The following NAV3 variants were observed in gnomAD, a reference collection of about 807,000 sequenced individuals.
NAV3 encodes the protein pore membrane and/or filament interacting like protein 1.
In NAV3, 87 loss-of-function variants were observed where a neutral mutation model predicts 244.7. The ratio of observed to expected loss-of-function variants is 0.36; its 90% CI spans 0.30 to 0.42. The LOEUF is 0.42. Among genes scored for constraint, NAV3 ranks in the 20% least tolerant of loss-of-function variants. The probability of loss-of-function intolerance (pLI) is 1.00; values close to 1 mark genes in which losing one functional copy is unlikely to be tolerated. For synonymous variants in NAV3, 1,126 were observed against 1,042.2 expected, an observed-to-expected ratio of 1.08 and a Z score of -1.55; for missense variants, 2,663 against 2,893.3, an observed-to-expected ratio of 0.92 and a Z score of 1.83.
At chr12:78,137,156 T>C in intron 18 of NAV3, 21 bp from the exon 19 acceptor site, 1 of 1,602,746 alleles carries the variant, frequency 6.2e-7, no homozygotes, top group Non-Finnish European at 8.5e-7. Flanking sequence ...AGTAATAGGC[T>C]CTGTGTGTTT....
intron 1 of NAV3, among the ~76,000 whole-genome samples, chr12:77,832,537 G>A (rs778187036): frequency 6.6e-6 from 1 of 152,160 alleles, no homozygotes; most frequent in African/African-American, 2.4e-5. Context: ...TGTGGTTCAT[G>A]AGAGATTCTG....
chr12:77,599,669 T>A (rs1003488100), intron 2 of NAV3, among the ~76,000 whole-genome samples: 1 of 151,860 alleles, frequency 6.6e-6, no homozygotes, highest in Non-Finnish European at 1.5e-5. Context: ...CCCTTTTTTT[T>A]ATCATCAGTT....
chr12:78,118,328 A>T (rs767070421), intron 14 of NAV3, 31 bp downstream of exon 14: 1 of 1,569,814 alleles, frequency 6.4e-7, no homozygotes, highest in South Asian at 1.1e-5. Context: ...CTGTTATGCA[A>T]AAGTGCTTTA....
At chr12:77,711,991 A>C (rs978826307) in intron 2 of NAV3, among the ~76,000 whole-genome samples, 1 of 152,180 alleles carries the variant, frequency 6.6e-6, no homozygotes. Flanking sequence ...CCACAACTTC[A>C]TAAAAAGCTT....
intron 2 of NAV3, among the ~76,000 whole-genome samples, chr12:77,740,438 G>GA (rs547388677): frequency 5.7e-4 from 84 of 146,776 alleles, no homozygotes; most frequent in Middle Eastern, 3.5e-3. Flanking sequence ...ACCTGATTTT[G>GA]AAAAAAAAAA....
chr12:77,960,148 G>T (rs991381073), intron 3 of NAV3, among the ~76,000 whole-genome samples: 5 of 151,922 alleles, frequency 3.3e-5, no homozygotes, highest in African/African-American at 1.2e-4. Context: ...ATGAGTTCAT[G>T]TATATCAGAG....
At chr12:77,623,868 A>T (rs1358259605) in intron 2 of NAV3, among the ~76,000 whole-genome samples, 1 of 152,252 alleles carries the variant, frequency 6.6e-6, no homozygotes, top group Admixed American at 6.5e-5. Context: ...CCTTAAAGAA[A>T]ATAAGATTAC....
intron 2 of NAV3, among the ~76,000 whole-genome samples, chr12:77,786,450 T>G (rs1870909193): frequency 6.6e-6 from 1 of 152,164 alleles, no homozygotes; most frequent in African/African-American, 2.4e-5. Context: ...TTTTTGTCTT[T>G]GTAACACTAG....
At chr12:77,951,747 G>T (rs569829997) in intron 3 of NAV3, among the ~76,000 whole-genome samples, 74 of 152,142 alleles carry the variant, frequency 4.9e-4, no homozygotes, top group African/African-American at 1.7e-3. Flanking sequence ...CCATAAAAAA[G>T]GGTGAGTTCA....
At chr12:78,087,142 T>C (rs1953679265) in intron 12 of NAV3, among the ~76,000 whole-genome samples, 1 of 152,026 alleles carries the variant, frequency 6.6e-6, no homozygotes, top group African/African-American at 2.4e-5. Flanking sequence ...ACAGATGTTG[T>C]AGAATTAGAG....
intron 3 of NAV3, among the ~76,000 whole-genome samples, chr12:77,954,365 T>A (rs1891170820): frequency 6.6e-6 from 1 of 152,182 alleles, no homozygotes; most frequent in Non-Finnish European, 1.5e-5. Context: ...TTAGTGAGAA[T>A]GTTTAAATTA....
At chr12:77,583,061 C>T (rs1412526718) in intron 2 of NAV3, among the ~76,000 whole-genome samples, 3 of 152,170 alleles carry the variant, frequency 2.0e-5, no homozygotes, top group Non-Finnish European at 4.4e-5. Context: ...ACTTTCCTAA[C>T]ATTTGTGTTT....
chr12:77,836,439 A>G (rs1874647669), intron 1 of NAV3, among the ~76,000 whole-genome samples: 2 of 152,076 alleles, frequency 1.3e-5, no homozygotes, highest in Admixed American at 6.6e-5. Context: ...TCTGTTTTAC[A>G]TTATTATGGA....
At chr12:77,594,216 A>G (rs963771065) in intron 2 of NAV3, among the ~76,000 whole-genome samples, 1 of 151,978 alleles carries the variant, frequency 6.6e-6, no homozygotes, top group East Asian at 1.9e-4. Context: ...CCCATGGGGG[A>G]TGTTGAGGTG....
At position 78,035,615 on chromosome 12, in the gene NAV3, T is replaced by C. The variant is rs558214193; in HGVS notation, c.2023+13753T>C. On this transcript the variant is annotated intron_variant, in intron 9 of 39. Transcript: ENST00000397909. The stretch of plus-strand genomic sequence containing the variant: ...ATCAAAAGACACAATGTGCATTTTG[T>C]GTTATCTGTAACATTATTATGTTCC... Among the ~76,000 whole-genome samples, 20 of 152,342 alleles carry C rather than the reference T, an allele frequency of 1.3e-4. No homozygotes were observed. The East Asian group carries it at 3.7e-3, about 28-fold the overall frequency.
intron 2 of NAV3, among the ~76,000 whole-genome samples, chr12:77,663,788 T>C (rs1418338310): frequency 1.3e-5 from 2 of 152,250 alleles, no homozygotes; most frequent in Non-Finnish European, 2.9e-5. Flanking sequence ...TTCAAAGTGC[T>C]GGGATTACAG....
intron 7 of NAV3, among the ~76,000 whole-genome samples, chr12:78,001,021 CA>C (rs1159052591): frequency 2.0e-5 from 3 of 150,946 alleles, no homozygotes; most frequent in African/African-American, 4.9e-5. Flanking sequence ...CCAAATGGTA[CA>C]TTTTTTAATA....
intron 2 of NAV3, among the ~76,000 whole-genome samples, chr12:77,819,891 T>C (rs868398650): frequency 3.9e-5 from 6 of 152,320 alleles, no homozygotes; most frequent in African/African-American, 1.4e-4. Flanking sequence ...GCAGGGTATA[T>C]GCAAGAAAGA....
intron 20 of NAV3, among the ~76,000 whole-genome samples, chr12:78,142,578 A>G (rs1025889252): frequency 1.2e-4 from 18 of 147,560 alleles, no homozygotes; most frequent in Non-Finnish European, 1.5e-5. Context: ...TGTCAAAATG[A>G]TGAGGATAAT....
Sources: allele counts gnomAD v4.1 joint callset (sites outside exome capture counted in the v4.1 genomes callset), GRCh38; gene constraint gnomAD v4.1.1; transcripts MANE v1.5; gene names NCBI Gene and HGNC (gene_info 2026-07-23, HGNC 2026-07-21).